DIP2B: variants seen among roughly 807,000 people sequenced by gnomAD.
The protein encoded by DIP2B is DIP2 acetate--CoA ligase B (putative), also known as disco-interacting protein 2 homolog B.
A neutral mutation model predicts 198.0 loss-of-function variants in DIP2B; 76 were observed. That is an observed-to-expected ratio of 0.38 (90% CI 0.32 to 0.46). The LOEUF is 0.46. Among genes scored for constraint, DIP2B ranks in the 20% least tolerant of loss-of-function variants. The pLI, the probability that DIP2B is intolerant of heterozygous loss-of-function variation, is 0.99. For missense variants in DIP2B, 1,559 were observed against 1,978.4 expected, an observed-to-expected ratio of 0.79 and a Z score of 4.02; for synonymous variants, 701 against 739.1, an observed-to-expected ratio of 0.95 and a Z score of 0.84.
chr12:50,542,577 T>A (rs2139376536), intron 1 of DIP2B, among the ~76,000 whole-genome samples: 1 of 152,322 alleles, frequency 6.6e-6, no homozygotes, highest in Non-Finnish European at 1.5e-5. Context: ...GTAAATGATC[T>A]TATTATACTT....
At chr12:50,660,420 C>T in intron 4 of DIP2B, 101 bp downstream of exon 4, 2 of 1,320,548 alleles carry the variant, frequency 1.5e-6, no homozygotes, top group Non-Finnish European at 1.0e-6. Context: ...GAATCTTCTC[C>T]CCGCCATTAG....
At chr12:50,515,634 C>T (rs542770455) in intron 1 of DIP2B, among the ~76,000 whole-genome samples, 3 of 152,138 alleles carry the variant, frequency 2.0e-5, no homozygotes, top group Non-Finnish European at 4.4e-5. Flanking sequence ...GGGGTTTCTT[C>T]TACTCTTTCT....
At chr12:50,723,095 G>GAACCT in intron 26 of DIP2B, 107 bp from the exon 27 acceptor site, 3 of 1,402,758 alleles carry the variant, frequency 2.1e-6, no homozygotes, top group Middle Eastern at 5.0e-4. Flanking sequence ...ATGGTCTACA[G>GAACCT]AACCTGTCTG....
At chr12:50,696,902 A>G (rs2139555913) in intron 16 of DIP2B, among the ~76,000 whole-genome samples, 159 bp from the exon 17 acceptor site, 1 of 152,340 alleles carries the variant, frequency 6.6e-6, no homozygotes, top group Middle Eastern at 3.4e-3. Context: ...AATATATCAA[A>G]CCATCTCACA....
chr12:50,543,192 A>G (rs139273488), intron 1 of DIP2B, among the ~76,000 whole-genome samples: 1 of 152,242 alleles, frequency 6.6e-6, no homozygotes, highest in Non-Finnish European at 1.5e-5. Flanking sequence ...TCAATGCTAC[A>G]TATACATCCT....
chr12:50,508,548 A>G (rs192996318), intron 1 of DIP2B, among the ~76,000 whole-genome samples: 1 of 152,328 alleles, frequency 6.6e-6, no homozygotes, highest in Admixed American at 6.5e-5. Flanking sequence ...GTGGCTTAAC[A>G]GAAGGGAAAA....
At chr12:50,739,111 C>T (rs904681515) in intron 35 of DIP2B, among the ~76,000 whole-genome samples, 4 of 152,178 alleles carry the variant, frequency 2.6e-5, no homozygotes, top group South Asian at 2.1e-4. Flanking sequence ...CGGAGCCACA[C>T]GGGCATGGGT....
rs11169525 is a variant in DIP2B at position 50,704,188 on chromosome 12, A to T, written c.2374A>T (p.Ile792Phe). The T allele has an allele frequency of 1.9e-6, 3 of 1,611,574 alleles. No individual in the cohort carries two copies. Among genetic ancestry groups the T allele is most frequent in the Non-Finnish European group, 2.5e-6 (3 of 1,179,636 alleles). The change falls in exon 20 of 38, where the codon ATC becomes TTC. Residue 792 changes from isoleucine (I) to phenylalanine (F), a missense_variant. Coordinates refer to ENST00000301180, the MANE Select transcript of DIP2B (RefSeq NM_173602.3). ...CTCTCCTGTTGGGGATGTGCCATTC[A>T]TCCGATCAGGATTGCTGGGGTTTGT... ...AGSPVGDVPF[I>F]RSGLLGFVGP...
At chr12:50,721,538 C>T in intron 26 of DIP2B, 142 bp downstream of exon 26, 1 of 1,292,068 alleles carries the variant, frequency 7.7e-7, no homozygotes, top group African/African-American at 1.5e-5. Context: ...GCACACAGGC[C>T]AAAGTGGGAA....
intron 3 of DIP2B, among the ~76,000 whole-genome samples, chr12:50,644,186 G>A (rs555931873): frequency 6.6e-6 from 1 of 152,140 alleles, no homozygotes; most frequent in African/African-American, 2.4e-5. Context: ...AGCCAAGAGG[G>A]AGCTTAATTT....
At chr12:50,681,705 T>A (rs1018327293) in intron 9 of DIP2B, among the ~76,000 whole-genome samples, 1 of 152,196 alleles carries the variant, frequency 6.6e-6, no homozygotes, top group Non-Finnish European at 1.5e-5. Flanking sequence ...CTTATTTTGA[T>A]TGGGCTTATG....
Position 50,678,034 on chromosome 12 carries a change from G to A in DIP2B, c.917-645G>A, listed in dbSNP as rs530957136. 5.6e-4 allele frequency among the ~76,000 whole-genome samples: 84 copies of A among 151,044 alleles called. No individual in the cohort carries two copies. The South Asian group carries it at 0.018, about 32-fold the overall frequency. On this transcript the variant is annotated intron_variant, in intron 7 of 37. Transcript: ENST00000301180. ...GGTTCCCAGAGAATGTGCTGTTTCA[G>A]CCAAGTCCTGAAAAGGATGAGGAAG...
chr12:50,613,429 C>T (rs1215547141), intron 1 of DIP2B, among the ~76,000 whole-genome samples: 4 of 152,216 alleles, frequency 2.6e-5, no homozygotes, highest in African/African-American at 9.6e-5. Context: ...AGAGTCCTGT[C>T]ATCTTCTGTC....
At chr12:50,602,484 T>G (rs1958945589) in intron 1 of DIP2B, among the ~76,000 whole-genome samples, 1 of 152,138 alleles carries the variant, frequency 6.6e-6, no homozygotes, top group Admixed American at 6.6e-5. Flanking sequence ...CTCCAACTCC[T>G]GAGCTCAAGT....
chr12:50,698,596 G>A (rs1939360669), intron 18 of DIP2B, 129 bp downstream of exon 18: 1 of 1,145,100 alleles, frequency 8.7e-7, no homozygotes, highest in African/African-American at 1.6e-5. Flanking sequence ...ATTTCTCAGA[G>A]CCTCTCTAAT....
At chr12:50,643,974 TAAG>T (rs1288638419) in intron 3 of DIP2B, among the ~76,000 whole-genome samples, 1 of 152,266 alleles carries the variant, frequency 6.6e-6, no homozygotes, top group African/African-American at 2.4e-5. Flanking sequence ...GATGGCTATG[TAAG>T]AAGGATTTTA....
intron 1 of DIP2B, among the ~76,000 whole-genome samples, chr12:50,554,613 G>T (rs1250460804): frequency 1.3e-5 from 2 of 152,110 alleles, no homozygotes; most frequent in Non-Finnish European, 2.9e-5. Flanking sequence ...TGGCATGGCG[G>T]TAGAATGGAT....
At chr12:50,549,535 AAAT>A (rs1593600413) in intron 1 of DIP2B, among the ~76,000 whole-genome samples, 1 of 150,152 alleles carries the variant, frequency 6.7e-6, no homozygotes, top group Admixed American at 6.6e-5. Context: ...GTCTCAAAAA[AAAT>A]AATAATAAAA....
intron 4 of DIP2B, among the ~76,000 whole-genome samples, chr12:50,666,239 T>G (rs1324190433): frequency 6.6e-6 from 1 of 152,234 alleles, no homozygotes; most frequent in African/African-American, 2.4e-5. Flanking sequence ...AATGTTATGG[T>G]TACCATTTAT....
Sources: allele counts gnomAD v4.1 joint callset (sites outside exome capture counted in the v4.1 genomes callset), GRCh38; gene constraint gnomAD v4.1.1; transcripts MANE v1.5; gene names NCBI Gene and HGNC (gene_info 2026-07-23, HGNC 2026-07-21).